Variants in MTUS1 observed in about 807,000 individuals in gnomAD.
MTUS1 encodes the protein microtubule-associated tumor suppressor 1.
MTUS1 carries 109 observed loss-of-function variants against 120.8 expected under a neutral mutation model. The ratio of observed to expected loss-of-function variants is 0.90; its 90% CI spans 0.77 to 1.06. The LOEUF (loss-of-function observed/expected upper bound fraction) is 1.06. MTUS1 is among the 50% of genes least tolerant of loss of function. MTUS1 has a pLI of 0.00. For synonymous variants in MTUS1, 737 were observed against 550.5 expected (o/e 1.34, Z -4.74); for missense variants, 2,210 against 1,486.3 (o/e 1.49, Z -8.01).
Position 17,675,171 on chromosome 8 carries a change from A to G in MTUS1, c.2905+15T>C. The G allele has an allele frequency of 6.2e-7, 1 of 1,613,960 alleles. No individual in the cohort carries two copies. Among genetic ancestry groups the G allele is most frequent in the Non-Finnish European group, 8.5e-7 (1 of 1,179,866 alleles). On this transcript the variant is annotated intron_variant, in intron 8 of 14. Transcript: ENST00000693296. Reference sequence around the variant, plus strand: ...TGTCCCATAAAATTTAACAACAACAACAAAAAGCTCTTACCTAGCTCTCCC... The same window carrying G: ...TGTCCCATAAAATTTAACAACAACAGCAAAAAGCTCTTACCTAGCTCTCCC...
chr8:17,747,296 A>C (rs180915972), intron 2 of MTUS1, among the ~76,000 whole-genome samples: 1 of 152,306 alleles, frequency 6.6e-6, no homozygotes, highest in East Asian at 1.9e-4. Context: ...CTCTACCCAG[A>C]ATACCTGCCC....
intron 12 of MTUS1, among the ~76,000 whole-genome samples, chr8:17,652,860 C>A (rs954109375): frequency 3.3e-5 from 5 of 151,170 alleles, no homozygotes; most frequent in African/African-American, 1.2e-4. Flanking sequence ...AAAGAGTGAA[C>A]TTTGTAGTTT....
At chr8:17,767,707 A>AAAAAACAAACAAACAAACAAACAAAC (rs762249959) in intron 1 of MTUS1, among the ~76,000 whole-genome samples, 4,724 of 144,474 alleles carry the variant, frequency 0.033, 126 homozygotes, top group Non-Finnish European at 0.048. Context: ...TCTTAAAAAA[A>AAAAAACAAACAAACAAACAAACAAAC]AAAAAAAAAA....
intron 1 of MTUS1, among the ~76,000 whole-genome samples, chr8:17,762,554 G>C (rs143144597): frequency 1.4e-4 from 21 of 152,164 alleles, no homozygotes; most frequent in African/African-American, 4.6e-4. Context: ...CCGAGTAGAG[G>C]AGTACTTGGT....
In MTUS1 at chr8:17,798,030, T is replaced by C. The variant is rs1169646440; in HGVS notation, c.-155+3031A>G. ...GTACATTTGTCTGGACATCAACAAG[T>C]CCGTATGAAACCACAATAATGACTA... is the stretch of plus-strand genomic sequence containing the variant. On this transcript the variant is annotated intron_variant, in intron 1 of 14. Coordinates refer to ENST00000693296, the MANE Select transcript of MTUS1 (RefSeq NM_001363059.2). Among the ~76,000 whole-genome samples, 4 of 152,040 alleles carry C rather than the reference T, an allele frequency of 2.6e-5. No homozygotes were observed. In the East Asian group the frequency reaches 7.7e-4, roughly 29 times the overall value.
intron 7 of MTUS1, among the ~76,000 whole-genome samples, chr8:17,682,862 A>C (rs375085792): frequency 2.0e-5 from 3 of 152,342 alleles, no homozygotes; most frequent in African/African-American, 7.2e-5. Context: ...GAGAAACAAA[A>C]ATACCATATA....
At chr8:17,713,369 C>T in intron 5 of MTUS1, 117 bp from the exon 6 acceptor site, 1 of 659,300 alleles carries the variant, frequency 1.5e-6, no homozygotes, top group Non-Finnish European at 2.6e-6. Flanking sequence ...TTTCAGGTTC[C>T]CGGTGGGAAA....
intron 6 of MTUS1, among the ~76,000 whole-genome samples, chr8:17,695,662 A>C (rs1817796924): frequency 6.6e-6 from 1 of 152,246 alleles, no homozygotes. Context: ...TGGTTAAGTA[A>C]ATCATGACTT....
rs144062450 is a variant in MTUS1 at position 17,797,407 on chromosome 8, C to T, written c.-155+3654G>A. On this transcript the variant is annotated intron_variant, in intron 1 of 14. Coordinates refer to ENST00000693296, the MANE Select transcript of MTUS1 (RefSeq NM_001363059.2). The stretch of plus-strand genomic sequence containing the variant: ...CAGCCTGGGTGACACAGCAATATCC[C>T]GTCTCAAAAAATAAAATAAAATAAA... 2.8e-3 allele frequency among the ~76,000 whole-genome samples: 425 copies of T among 149,470 alleles called. 2 individuals carry two copies. Among genetic ancestry groups the T allele is most frequent in the African/African-American group, 0.01 (405 of 40,410 alleles).
chr8:17,766,419 C>T (rs1036578944), intron 1 of MTUS1, among the ~76,000 whole-genome samples: 4 of 152,172 alleles, frequency 2.6e-5, no homozygotes, highest in African/African-American at 9.7e-5. Context: ...CTCAACATGG[C>T]TATCTTTTTT....
chr8:17,698,014 T>C (rs1012876347), intron 6 of MTUS1, among the ~76,000 whole-genome samples: 1 of 152,142 alleles, frequency 6.6e-6, no homozygotes, highest in African/African-American at 2.4e-5. Context: ...AGGCAATAAA[T>C]GTTCTCAACT....
At chr8:17,736,733 G>A (rs1259906758) in intron 3 of MTUS1, among the ~76,000 whole-genome samples, 9 of 151,794 alleles carry the variant, frequency 5.9e-5, no homozygotes, top group South Asian at 2.1e-4. Context: ...CACAGGCACC[G>A]GCCACCAAAC....
At chr8:17,651,426 G>T (rs1316626653) in intron 12 of MTUS1, among the ~76,000 whole-genome samples, 1 of 151,956 alleles carries the variant, frequency 6.6e-6, no homozygotes, top group Non-Finnish European at 1.5e-5. Flanking sequence ...CACAGTCTAT[G>T]ATTGTCTCAA....
At chr8:17,719,883 C>T (rs1465069535) in intron 4 of MTUS1, among the ~76,000 whole-genome samples, 1 of 152,182 alleles carries the variant, frequency 6.6e-6, no homozygotes, top group African/African-American at 2.4e-5. Context: ...CACCATCCTG[C>T]CAAACAATGA....
chr8:17,768,207 T>C (rs2049715200), intron 1 of MTUS1, among the ~76,000 whole-genome samples: 1 of 152,222 alleles, frequency 6.6e-6, no homozygotes, highest in Admixed American at 6.5e-5. Context: ...GATTTACGCT[T>C]TGAGTATAAA....
intron 1 of MTUS1, among the ~76,000 whole-genome samples, chr8:17,762,133 G>T (rs1194554641): frequency 6.6e-6 from 1 of 151,940 alleles, no homozygotes; most frequent in Non-Finnish European, 1.5e-5. Context: ...TACAAAAATT[G>T]CCAGGTATGG....
chr8:17,790,277 G>A (rs927187907), intron 1 of MTUS1, among the ~76,000 whole-genome samples: 1 of 151,516 alleles, frequency 6.6e-6, no homozygotes, highest in Non-Finnish European at 1.5e-5. Flanking sequence ...GAACCCGGGA[G>A]GCAGAGGTTG....
At position 17,680,784 on chromosome 8, in the gene MTUS1, G is replaced by C. The variant is rs548451407; in HGVS notation, c.2838+3544C>G. 6.6e-5 allele frequency among the ~76,000 whole-genome samples: 10 copies of C among 152,260 alleles called. No homozygotes were observed. The South Asian group carries it at 2.1e-3, about 32-fold the overall frequency. ...TCTTTAAACACTAAGATAGCAGAGA[G>C]TATAGAATGCTCACGCCACAAGAGG... On this transcript the variant is annotated intron_variant, in intron 7 of 14. Coordinates refer to ENST00000693296, the MANE Select transcript of MTUS1 (RefSeq NM_001363059.2).
intron 6 of MTUS1, among the ~76,000 whole-genome samples, chr8:17,702,990 G>A (rs1485411050): frequency 6.6e-6 from 1 of 152,182 alleles, no homozygotes; most frequent in Non-Finnish European, 1.5e-5. Context: ...TTTGTAAGCT[G>A]AGGATGTACG....
Sources: allele counts gnomAD v4.1 joint callset (sites outside exome capture counted in the v4.1 genomes callset), GRCh38; gene constraint gnomAD v4.1.1; transcripts MANE v1.5; gene names NCBI Gene and HGNC (gene_info 2026-07-23, HGNC 2026-07-21).